Variants in SNRK observed in about 807,000 individuals in gnomAD.
SNRK encodes the protein SNF related kinase.
Under a neutral mutation model 48.2 loss-of-function variants are expected in SNRK, and 3 were observed. That is an observed-to-expected ratio of 0.06 (90% CI 0.03 to 0.16). SNRK has a LOEUF of 0.16. SNRK is among the 10% of genes least tolerant of loss of function. SNRK has a pLI of 1.00. For missense variants in SNRK, 627 were observed against 976.0 expected (o/e 0.64, Z 4.76); for synonymous variants, 376 against 366.1 (o/e 1.03, Z -0.31).
chr3:43,292,235 A>G (rs1383120513), intron 1 of SNRK, among the ~76,000 whole-genome samples: 2 of 152,250 alleles, frequency 1.3e-5, no homozygotes, highest in Non-Finnish European at 2.9e-5. Flanking sequence ...AGAGAGATCT[A>G]TTAAGCCACA....
chr3:43,338,875 G>A (rs1370509875), intron 4 of SNRK, among the ~76,000 whole-genome samples: 1 of 151,930 alleles, frequency 6.6e-6, no homozygotes, highest in African/African-American at 2.4e-5. Flanking sequence ...ATCATCTTTA[G>A]TTCCCTGGCT....
Position 43,332,316 on chromosome 3 carries a change from T to TA in SNRK, c.731+10dup. 15 of 1,415,054 alleles carry TA rather than the reference T, an allele frequency of 1.1e-5. No individual in the cohort carries two copies. The highest frequency in any genetic ancestry group is 1.3e-5 in the Non-Finnish European group (14 of 1,073,096). The allele number at this position is 1,415,054 out of a possible 1,614,324, so 87.7% of individuals were successfully genotyped here. ...GTGTCTAAAGAGTGTAAAGAGTAAGTAAAACAAAGTATGTGGAAACCTTAA... is the reference window on the plus strand; with the variant it reads ...GTGTCTAAAGAGTGTAAAGAGTAAGTAAAAACAAAGTATGTGGAAACCTTAA... On this transcript the variant is annotated splice_region_variant and intron_variant, in intron 4 of 6. Transcript: ENST00000296088.
intron 5 of SNRK, among the ~76,000 whole-genome samples, chr3:43,343,048 C>CTCA (rs1553636058): frequency 0.025 from 3,812 of 152,220 alleles, 162 homozygotes; most frequent in African/African-American, 0.085. Context: ...AATGCGTGCA[C>CTCA]TTATCTTATG....
Position 43,303,656 on chromosome 3 carries a change from A to G in SNRK, c.453A>G (p.Gln151=), listed in dbSNP as rs1449710378. Residue 151 remains glutamine, a synonymous_variant, in exon 3 of 7, where the codon CAA becomes CAG. Transcript: ENST00000296088. This position sits in a 1 kb window ranked among gnomAD's most constrained non-coding sequence, Gnocchi z 6.2. ...AGAATGTAGTCTTCTTTGAAAAACAAGGTCTTGTAAAGTTGACAGACTTTG... is the reference window on the plus strand; with the variant it reads ...AGAATGTAGTCTTCTTTGAAAAACAGGGTCTTGTAAAGTTGACAGACTTTG... The part of the protein sequence containing the change: ...KPENVVFFEK[Q]GLVKLTDFGF... 2 of 1,614,162 alleles carry G rather than the reference A, an allele frequency of 1.2e-6. No individual in the cohort carries two copies. The highest frequency in any genetic ancestry group is 2.2e-5 in the East Asian group (1 of 44,882).
chr3:43,332,005 A>T (rs904782065), intron 3 of SNRK, among the ~76,000 whole-genome samples, 164 bp from the exon 4 acceptor site: 12 of 152,184 alleles, frequency 7.9e-5, no homozygotes, highest in African/African-American at 2.9e-4. Context: ...AAGAAGATAG[A>T]CACCTTCCCT....
At position 43,332,230 on chromosome 3, in the gene SNRK, A is replaced by G; in HGVS notation, c.651A>G (p.Glu217=). 4.4e-6 allele frequency: 7 copies of G among 1,602,176 alleles called. No individual in the cohort carries two copies. Among genetic ancestry groups the G allele is most frequent in the Non-Finnish European group, 6.0e-6 (7 of 1,174,320 alleles). Residue 217 remains glutamate, a synonymous_variant, in exon 4 of 7, where the codon GAA becomes GAG. Coordinates refer to ENST00000296088, the MANE Select transcript of SNRK (RefSeq NM_017719.5). ...MLVCGQPPFQ[E]ANDSETLTMI... ...TGTGTGGGCAGCCGCCCTTTCAAGAAGCCAATGACAGTGAAACACTGACAA... is the reference window on the plus strand; with the variant it reads ...TGTGTGGGCAGCCGCCCTTTCAAGAGGCCAATGACAGTGAAACACTGACAA...
intron 1 of SNRK, among the ~76,000 whole-genome samples, chr3:43,289,538 G>A (rs1307053266): frequency 2.0e-5 from 3 of 152,288 alleles, no homozygotes; most frequent in South Asian, 4.1e-4. Flanking sequence ...CCTCACGAGT[G>A]AGCACTGGAA....
At chr3:43,329,162 AG>A (rs553777731) in intron 3 of SNRK, among the ~76,000 whole-genome samples, 18 of 152,346 alleles carry the variant, frequency 1.2e-4, no homozygotes, top group Admixed American at 3.3e-4. Flanking sequence ...AATTATTCAA[AG>A]ACAAAAGTAA....
In SNRK at chr3:43,348,125, C is replaced by T. The variant is rs754121198; in HGVS notation, c.1866C>T (p.Thr622=). 2 of 1,583,184 alleles carry T rather than the reference C, an allele frequency of 1.3e-6. No homozygotes were observed. Among genetic ancestry groups the T allele is most frequent in the African/African-American group, 2.7e-5 (2 of 74,232 alleles). Residue 622 remains threonine, a synonymous_variant, in exon 7 of 7, where the codon ACC becomes ACT. Coordinates refer to ENST00000296088, the MANE Select transcript of SNRK (RefSeq NM_017719.5). ...GCAACCCCACCAATACATCGGGTAC[C>T]ACACGCCGCTGTGCCGGCCCCAGCA... ...SGGNPTNTSG[T]TRRCAGPSNS...
rs533764893 is a variant in SNRK at position 43,320,517 on chromosome 3, G to T, written c.590-11652G>T. Among the ~76,000 whole-genome samples, 3 of 152,276 alleles carry T rather than the reference G, an allele frequency of 2.0e-5. No homozygotes were observed. In the East Asian group the frequency reaches 5.8e-4, roughly 29 times the overall value. On this transcript the variant is annotated intron_variant, in intron 3 of 6. Transcript: ENST00000296088. ...GTGATTCTCAGCTTTGTATTCAGTA[G>T]TGATTAGTTTCTAGAGGACTGAAAC...
chr3:43,348,190 T>C lies in SNRK; in HGVS notation c.1931T>C (p.Val644Ala). 2 of 1,601,488 alleles carry C rather than the reference T, an allele frequency of 1.2e-6. No homozygotes were observed. Among genetic ancestry groups the C allele is most frequent in the South Asian group, 1.1e-5 (1 of 89,078 alleles). The change falls in exon 7 of 7, where the codon GTT becomes GCT. Residue 644 changes from valine to alanine, a missense_variant. Physicochemically the swap from Val to Ala is moderately conservative, Grantham distance 64. Coordinates refer to ENST00000296088, the MANE Select transcript of SNRK (RefSeq NM_017719.5). ...QLASRSAGEL[V>A]ESLKLMSLCL... is the part of the protein sequence containing the mutation. ...GCCTCTCGCAGTGCTGGGGAGCTCGTTGAGAGCCTCAAACTCATGAGCCTC... is the reference window on the plus strand; with the variant it reads ...GCCTCTCGCAGTGCTGGGGAGCTCGCTGAGAGCCTCAAACTCATGAGCCTC...
At chr3:43,329,827 T>C (rs1438719688) in intron 3 of SNRK, among the ~76,000 whole-genome samples, 1 of 152,182 alleles carries the variant, frequency 6.6e-6, no homozygotes, top group East Asian at 1.9e-4. Context: ...TTGTTGTTTG[T>C]GAGGCTAATC....
intron 2 of SNRK, among the ~76,000 whole-genome samples, chr3:43,301,653 T>C (rs1020851688): frequency 6.6e-6 from 1 of 152,190 alleles, no homozygotes; most frequent in Non-Finnish European, 1.5e-5. Context: ...ACCTATTATA[T>C]GTCAAATTTC....
intron 3 of SNRK, among the ~76,000 whole-genome samples, chr3:43,312,603 C>T (rs756892299): frequency 6.6e-6 from 1 of 152,112 alleles, no homozygotes; most frequent in Non-Finnish European, 1.5e-5. Flanking sequence ...ACATATATCA[C>T]TTTTACTCAA....
At chr3:43,336,532 A>G (rs994127750) in intron 4 of SNRK, among the ~76,000 whole-genome samples, 15 of 151,962 alleles carry the variant, frequency 9.9e-5, no homozygotes, top group Non-Finnish European at 1.9e-4. Context: ...GGGTCTCACT[A>G]TGTTGCCCAG....
At chr3:43,336,278 C>T in intron 4 of SNRK, among the ~76,000 whole-genome samples, 1 of 59,844 alleles carries the variant, frequency 1.7e-5, no homozygotes, top group South Asian at 8.9e-4. Context: ...CCTCCACCCT[C>T]TCTCCCTTGC....
intron 3 of SNRK, among the ~76,000 whole-genome samples, chr3:43,324,259 G>T (rs971938844): frequency 6.6e-6 from 1 of 152,014 alleles, no homozygotes; most frequent in African/African-American, 2.4e-5. Context: ...CCTGTAATCC[G>T]AGCACTTTGG....
intron 1 of SNRK, among the ~76,000 whole-genome samples, chr3:43,290,429 G>A (rs766995443): frequency 6.6e-6 from 1 of 152,162 alleles, no homozygotes; most frequent in Non-Finnish European, 1.5e-5. Context: ...TCCAGTCTGA[G>A]AGAATGGCAT....
At chr3:43,293,995 G>A (rs2090833496) in intron 1 of SNRK, among the ~76,000 whole-genome samples, 1 of 151,988 alleles carries the variant, frequency 6.6e-6, no homozygotes, top group African/African-American at 2.4e-5. Flanking sequence ...ACATTATGTT[G>A]TGAGACTTTC....
Sources: gnomAD v4.1 joint callset for allele counts (sites outside exome capture counted in the v4.1 genomes callset) on GRCh38, gnomAD v4.1.1 for gene constraint, Gnocchi (gnomAD v3.1) non-coding constraint, MANE v1.5 for transcripts, NCBI Gene and HGNC (gene_info 2026-07-23, HGNC 2026-07-21) for gene names.